ROCK1: variants seen among roughly 807,000 people sequenced by gnomAD.
ROCK1 encodes the protein Rho associated coiled-coil containing protein kinase 1, also known as rho-associated protein kinase 1.
ROCK1 carries 36 observed loss-of-function variants against 196.8 expected under a neutral mutation model. That is an observed-to-expected ratio of 0.18 (90% confidence interval 0.14 to 0.24). The LOEUF (loss-of-function observed/expected upper bound fraction) is 0.24, where lower values mean the gene tolerates loss of function less well. Ranked by LOEUF, ROCK1 falls within the 10% of genes least tolerant of loss-of-function variation. The pLI, the probability that ROCK1 is intolerant of heterozygous loss-of-function variation, is 1.00. For synonymous variants in ROCK1, 443 were observed against 515.9 expected (o/e 0.86, Z 1.91); for missense variants, 920 against 1,562.0 (o/e 0.59, Z 6.93).
chr18:21,038,914 A>G (rs2036081564), intron 9 of ROCK1, among the ~76,000 whole-genome samples: 1 of 152,218 alleles, frequency 6.6e-6, no homozygotes. Flanking sequence ...TTAAAAAGTA[A>G]GAAAGTGTTC....
At chr18:21,044,310 T>C in intron 5 of ROCK1, 124 bp from the exon 6 acceptor site, 1 of 575,028 alleles carries the variant, frequency 1.7e-6, no homozygotes, top group Non-Finnish European at 3.0e-6. Context: ...GATCTGTATG[T>C]GTTCTCTATC....
rs2035134831 is a variant in ROCK1 at position 20,947,034 on chromosome 18, T to C, written c.*4350A>G. 2.0e-5 allele frequency: 3 copies of C among 152,356 alleles called. No individual in the cohort carries two copies. Among genetic ancestry groups the C allele is most frequent in the Middle Eastern group, 3.4e-3 (1 of 294 alleles). 9.4% of individuals were successfully genotyped at this position (152,356 alleles called of 1,614,324 possible). A position where few individuals can be genotyped will look rare whatever the true frequency, so the allele number is the denominator to read the frequency against. ...TATACACTTTATTTCTAAGCATTTATATTTTTTCCCTTGAATCTCCAACAT... is the reference window on the plus strand; with the variant it reads ...TATACACTTTATTTCTAAGCATTTACATTTTTTCCCTTGAATCTCCAACAT... On this transcript the variant is annotated 3_prime_UTR_variant, in exon 33 of 33. Transcript: ENST00000399799.
In ROCK1 at chr18:21,111,285, G is replaced by C. The variant is rs900369884; in HGVS notation, c.-375C>G. On this transcript the variant is annotated 5_prime_UTR_variant, in exon 1 of 33. Coordinates refer to ENST00000399799, the MANE Select transcript of ROCK1 (RefSeq NM_005406.3). The surrounding 1 kb of genome is among the most constrained non-coding windows in gnomAD (Gnocchi z 4.2). ...AGATGGGCAGGAGCGGGTAGAGAAA[G>C]AGAAGCAGGGTGGAGACTCCCTCCG... 190 of 468,414 alleles carry C rather than the reference G, an allele frequency of 4.1e-4. No individual in the cohort carries two copies. Among genetic ancestry groups the C allele is most frequent in the Non-Finnish European group, 5.3e-4 (141 of 267,694 alleles). The allele number at this position is 468,414 out of a possible 1,614,324, so 29.0% of individuals were successfully genotyped here. A position where few individuals can be genotyped will look rare whatever the true frequency, so the allele number is the denominator to read the frequency against.
At chr18:21,072,683 A>G (rs2036395459) in intron 1 of ROCK1, among the ~76,000 whole-genome samples, 1 of 152,216 alleles carries the variant, frequency 6.6e-6, no homozygotes, top group Admixed American at 6.5e-5. Flanking sequence ...ATATACTTCC[A>G]CTGATCCTTC....
Position 20,948,468 on chromosome 18 carries a change from A to C in ROCK1, c.*2916T>G, listed in dbSNP as rs2035150796. On this transcript the variant is annotated 3_prime_UTR_variant, in exon 33 of 33. Transcript: ENST00000399799. The stretch of plus-strand genomic sequence containing the variant: ...ATGAGTTTGTCATTTAAGTTCTTTT[A>C]CTTATTTTTTTTACTTTAAATGAAG... 1.3e-5 allele frequency: 2 copies of C among 150,634 alleles called. No homozygotes were observed. The highest frequency in any genetic ancestry group is 1.5e-5 in the Non-Finnish European group (1 of 68,022). The allele number at this position is 150,634 out of a possible 1,614,324, so 9.3% of individuals were successfully genotyped here.
At chr18:21,102,099 C>T (rs2036663873) in intron 1 of ROCK1, among the ~76,000 whole-genome samples, 1 of 152,126 alleles carries the variant, frequency 6.6e-6, no homozygotes. Context: ...AATGAAAATT[C>T]ACATTCTTTC....
chr18:21,042,673 G>A lies in ROCK1; in HGVS notation c.712C>T (p.Pro238Ser). Reference sequence around the variant, plus strand: ...AATACTTCAGGGGAAATATAATCAGGTGTTCCAACCGCTGTATCACATCGT... The same window carrying A: ...AATACTTCAGGGGAAATATAATCAGATGTTCCAACCGCTGTATCACATCGT... ...MVRCDTAVGT[P>S]DYISPEVLKS... The change falls in exon 7 of 33, where the codon CCT becomes TCT. Residue 238 changes from proline to serine, a missense_variant. Coordinates refer to ENST00000399799, the MANE Select transcript of ROCK1 (RefSeq NM_005406.3). 6.2e-7 allele frequency: 1 copy of A among 1,613,590 alleles called. No homozygotes were observed. Among genetic ancestry groups the A allele is most frequent in the Non-Finnish European group, 8.5e-7 (1 of 1,179,700 alleles).
intron 16 of ROCK1, among the ~76,000 whole-genome samples, chr18:20,994,018 C>T (rs1301731891): frequency 5.3e-5 from 8 of 152,144 alleles, no homozygotes; most frequent in Non-Finnish European, 7.4e-5. Context: ...AGTCACCTCC[C>T]ATATTTCAGG....
intron 2 of ROCK1, among the ~76,000 whole-genome samples, chr18:21,062,510 T>C (rs2036300289): frequency 6.6e-6 from 1 of 152,226 alleles, no homozygotes; most frequent in African/African-American, 2.4e-5. Context: ...GAAATAAATA[T>C]ATGCAGTTTA....
intron 17 of ROCK1, among the ~76,000 whole-genome samples, chr18:20,991,644 T>C (rs116809633): frequency 0.023 from 3,431 of 152,170 alleles, 135 homozygotes; most frequent in African/African-American, 0.079. Flanking sequence ...CTTTTCTTTT[T>C]TTTTTAAAGA....
intron 1 of ROCK1, among the ~76,000 whole-genome samples, chr18:21,110,606 G>C (rs1450337214): frequency 2.0e-5 from 3 of 152,104 alleles, no homozygotes; most frequent in African/African-American, 7.2e-5. Flanking sequence ...AGAATTAAAA[G>C]TTCAGAGTAG....
intron 2 of ROCK1, among the ~76,000 whole-genome samples, chr18:21,065,635 TTCAAAACTG>T (rs776250476): frequency 1.1e-4 from 17 of 152,312 alleles, no homozygotes; most frequent in Non-Finnish European, 1.9e-4. Flanking sequence ...AACATGTGTC[TTCAAAACTG>T]TGACTAACTC....
chr18:21,059,191 T>G (rs1476759859), intron 2 of ROCK1, among the ~76,000 whole-genome samples: 2 of 152,190 alleles, frequency 1.3e-5, no homozygotes, highest in Admixed American at 1.3e-4. Context: ...ATTATCTATA[T>G]AAGCCCATAC....
At chr18:21,018,760 G>T (rs552003295) in intron 12 of ROCK1, among the ~76,000 whole-genome samples, 1 of 152,028 alleles carries the variant, frequency 6.6e-6, no homozygotes, top group Non-Finnish European at 1.5e-5. Flanking sequence ...TATCTGTTTT[G>T]TACCAAACCC....
chr18:20,981,446 T>C (rs1284397614), intron 21 of ROCK1, among the ~76,000 whole-genome samples: 1 of 152,136 alleles, frequency 6.6e-6, no homozygotes, highest in Non-Finnish European at 1.5e-5. Flanking sequence ...TCTGCTAACA[T>C]ATCTATAATA....
In ROCK1 at chr18:21,030,146, A is replaced by C. The variant is rs1380953555; in HGVS notation, c.1052-1211T>G. 1.3e-5 allele frequency among the ~76,000 whole-genome samples: 2 copies of C among 152,206 alleles called. 1 individual carries two copies. The highest frequency in any genetic ancestry group is 4.1e-4 in the South Asian group (2 of 4,830). On this transcript the variant is annotated intron_variant, in intron 9 of 32. Transcript: ENST00000399799. ...TAATGGCCAACAGAACTGTCTGATTAGACATGGCCAGCTTTCTAATATTTG... is the reference window on the plus strand; with the variant it reads ...TAATGGCCAACAGAACTGTCTGATTCGACATGGCCAGCTTTCTAATATTTG...
chr18:21,064,175 C>T (rs1420006630), intron 2 of ROCK1, among the ~76,000 whole-genome samples: 2 of 152,094 alleles, frequency 1.3e-5, no homozygotes, highest in African/African-American at 4.8e-5. Context: ...CCCTGCAGTC[C>T]GTCCTCCCGA....
intron 22 of ROCK1, among the ~76,000 whole-genome samples, chr18:20,971,309 C>CAT (rs1259167244): frequency 9.2e-5 from 2 of 21,692 alleles, no homozygotes; most frequent in African/African-American, 1.7e-4. Context: ...TAAACATACA[C>CAT]ACACACACAC....
chr18:21,042,122 G>A lies in ROCK1; in HGVS notation c.934C>T (p.Leu312Phe), dbSNP rs2036112463. The change falls in exon 8 of 33, where the codon CTT becomes TTT. Residue 312 changes from leucine (L) to phenylalanine (F), a missense_variant. This residue lies in a region of ROCK1 where 234 missense variants were observed against 460.7 expected (regional missense o/e 0.51). Transcript: ENST00000399799. Reference sequence around the variant, plus strand: ...CTGTCAGTAAGGAAGGCACAAATAAGGTTTTTTGCTTCTTTTGATATGTCA... The same window carrying A: ...CTGTCAGTAAGGAAGGCACAAATAAAGTTTTTTGCTTCTTTTGATATGTCA... ...DNDISKEAKN[L>F]ICAFLTDREV... 1 of 1,601,342 alleles carries A rather than the reference G, an allele frequency of 6.2e-7. No homozygotes were observed. Among genetic ancestry groups the A allele is most frequent in the Non-Finnish European group, 8.5e-7 (1 of 1,176,684 alleles).
Sources: allele counts gnomAD v4.1 joint callset (sites outside exome capture counted in the v4.1 genomes callset), GRCh38; gene constraint gnomAD v4.1.1; regional missense constraint gnomAD v4.1.1; non-coding constraint Gnocchi (gnomAD v3.1); transcripts MANE v1.5; gene names NCBI Gene and HGNC (gene_info 2026-07-23, HGNC 2026-07-21).